MED15: variants seen among roughly 807,000 people sequenced by gnomAD.
The protein encoded by MED15 is mediator complex subunit 15, also known as mediator of RNA polymerase II transcription subunit 15.
A neutral mutation model predicts 118.7 loss-of-function variants in MED15; 41 were observed. The ratio of observed to expected loss-of-function variants is 0.35; its 90% CI spans 0.27 to 0.45. The LOEUF (loss-of-function observed/expected upper bound fraction) is 0.45, where lower values mean the gene tolerates loss of function less well. MED15 is among the 20% of genes least tolerant of loss of function. The probability of loss-of-function intolerance (pLI) is 1.00; values close to 1 mark genes in which losing one functional copy is unlikely to be tolerated. For missense variants in MED15, 740 were observed against 1,025.5 expected (o/e 0.72, Z 3.80); for synonymous variants, 436 against 413.9 (o/e 1.05, Z -0.65).
rs2146594446 is a variant in MED15 at position 20,566,586 on chromosome 22, TCAGCAGCCACCGATG to T, written c.821_835del (p.Pro274_Pro278del). 1 of 1,613,442 alleles carries T rather than the reference TCAGCAGCCACCGATG, an allele frequency of 6.2e-7. No individual in the cohort carries two copies. The highest frequency in any genetic ancestry group is 8.5e-7 in the Non-Finnish European group (1 of 1,179,794). On this transcript the variant is annotated inframe_deletion, in exon 7 of 18. Coordinates refer to ENST00000263205, the MANE Select transcript of MED15 (RefSeq NM_001003891.3). ...AGGCTTTGCAGGCCCAGCCACCAAT[TCAGCAGCCACCGATG>T]CAGCAGCCACAGCCTCCGCCCTCCC...
chr22:20,558,364 AG>A (rs1231399176), intron 5 of MED15, among the ~76,000 whole-genome samples: 4 of 151,932 alleles, frequency 2.6e-5, no homozygotes, highest in Non-Finnish European at 2.9e-5. Flanking sequence ...GGACTCTCAA[AG>A]GGTAGGCCAG....
At chr22:20,514,095 G>A (rs1361620146) in intron 1 of MED15, among the ~76,000 whole-genome samples, 1 of 151,950 alleles carries the variant, frequency 6.6e-6, no homozygotes, top group Non-Finnish European at 1.5e-5. Flanking sequence ...TGATCTCCTG[G>A]GCTCAAGTGA....
intron 8 of MED15, among the ~76,000 whole-genome samples, chr22:20,569,649 G>A (rs1280858034): frequency 6.6e-6 from 1 of 152,184 alleles, no homozygotes; most frequent in Admixed American, 6.5e-5. Flanking sequence ...GAGGGAATCT[G>A]AGGTATTTGG....
intron 8 of MED15, among the ~76,000 whole-genome samples, chr22:20,569,646 T>C (rs887935427): frequency 2.6e-5 from 4 of 152,038 alleles, no homozygotes; most frequent in Admixed American, 2.6e-4. Context: ...GAGGAGGGAA[T>C]CTGAGGTATT....
chr22:20,560,040 G>A (rs1413893851), intron 5 of MED15, among the ~76,000 whole-genome samples: 1 of 152,118 alleles, frequency 6.6e-6, no homozygotes, highest in Non-Finnish European at 1.5e-5. Flanking sequence ...ACTACTGTGG[G>A]GGTGCTGCTG....
At position 20,513,966 on chromosome 22, in the gene MED15, C is replaced by T. The variant is rs140184328; in HGVS notation, c.68+6220C>T. ...GCAACCTCTGGCTCCCAGGCTTAAG[C>T]GATCCTCCCACCTCAGCATTCCCAA... On this transcript the variant is annotated intron_variant, in intron 1 of 17. Coordinates refer to ENST00000263205, the MANE Select transcript of MED15 (RefSeq NM_001003891.3). 1.3e-3 allele frequency among the ~76,000 whole-genome samples: 200 copies of T among 152,276 alleles called. 1 individual carries two copies. The highest frequency in any genetic ancestry group is 4.6e-3 in the African/African-American group (191 of 41,532).
intron 14 of MED15, chr22:20,584,639 C>A: frequency 1.2e-6 from 1 of 818,570 alleles, no homozygotes; most frequent in Non-Finnish European, 1.9e-6. Flanking sequence ...GTGCCTCCTT[C>A]ACCCATTTCA....
intron 1 of MED15, among the ~76,000 whole-genome samples, chr22:20,510,101 C>T (rs1165043725): frequency 6.6e-6 from 1 of 152,078 alleles, no homozygotes; most frequent in Non-Finnish European, 1.5e-5. Flanking sequence ...AACAACACAC[C>T]TTTAGCCAGG....
chr22:20,517,981 A>G (rs958586157), intron 1 of MED15, among the ~76,000 whole-genome samples: 41 of 144,518 alleles, frequency 2.8e-4, no homozygotes, highest in African/African-American at 9.9e-4. Context: ...TTGCCGCATC[A>G]TTGTCTCAGG....
At chr22:20,568,098 C>T (rs2056508643) in intron 7 of MED15, among the ~76,000 whole-genome samples, 1 of 152,220 alleles carries the variant, frequency 6.6e-6, no homozygotes, top group Admixed American at 6.5e-5. Flanking sequence ...GCCTTGGCCT[C>T]CCAGAATGCT....
Position 20,535,778 on chromosome 22 carries a change from C to T in MED15, c.69-1339C>T, listed in dbSNP as rs959438384. ...GTTTCACTGTGTTAGCCAGGATGGT[C>T]GTGCTCGCCTGACCTCGTGATCTGC... On this transcript the variant is annotated intron_variant, in intron 1 of 17. Transcript: ENST00000263205. Among the ~76,000 whole-genome samples the T allele has an allele frequency of 1.9e-4, 28 of 151,274 alleles. 1 individual carries two copies. The highest frequency in any genetic ancestry group is 7.8e-4 in the East Asian group (4 of 5,126).
At chr22:20,511,987 G>GCTTTTTTTTT (rs2054083418) in intron 1 of MED15, among the ~76,000 whole-genome samples, 1 of 77,816 alleles carries the variant, frequency 1.3e-5, no homozygotes, top group Non-Finnish European at 2.3e-5. Flanking sequence ...AACATTCTAA[G>GCTTTTTTTTT]CTTTTTTTTT....
At chr22:20,508,385 T>A (rs2053947116) in intron 1 of MED15, 1 of 1,304,184 alleles carries the variant, frequency 7.7e-7, no homozygotes. Context: ...CGACTGCTTG[T>A]TTCTGTTAGC....
chr22:20,545,508 T>C (rs1468114232), intron 2 of MED15, among the ~76,000 whole-genome samples: 1 of 150,914 alleles, frequency 6.6e-6, no homozygotes, highest in African/African-American at 2.4e-5. Flanking sequence ...CAAAATGCTT[T>C]AAAATTGATT....
At chr22:20,556,353 G>A (rs1281138992) in intron 5 of MED15, among the ~76,000 whole-genome samples, 3 of 150,672 alleles carry the variant, frequency 2.0e-5, no homozygotes, top group Non-Finnish European at 4.4e-5. Flanking sequence ...CCAGGCTGGA[G>A]TGCAGTGGTG....
intron 3 of MED15, among the ~76,000 whole-genome samples, chr22:20,552,217 A>T (rs1163244568): frequency 2.0e-5 from 3 of 152,206 alleles, no homozygotes; most frequent in Non-Finnish European, 4.4e-5. Flanking sequence ...CTGCATAACC[A>T]CCAGAGGCAG....
At chr22:20,529,620 A>C (rs1029824535) in intron 1 of MED15, among the ~76,000 whole-genome samples, 1 of 150,982 alleles carries the variant, frequency 6.6e-6, no homozygotes, top group African/African-American at 2.4e-5. Context: ...TATTTTTGAG[A>C]CAGAGTTTCA....
intron 1 of MED15, among the ~76,000 whole-genome samples, chr22:20,518,360 C>T (rs1488394101): frequency 3.3e-5 from 5 of 152,152 alleles, no homozygotes; most frequent in Non-Finnish European, 5.9e-5. Context: ...TTGATACTGT[C>T]CTTCCAAGTT....
chr22:20,580,559 G>A (rs1441599069), intron 9 of MED15, among the ~76,000 whole-genome samples: 1 of 152,168 alleles, frequency 6.6e-6, no homozygotes, highest in East Asian at 1.9e-4. Flanking sequence ...TGCAGGTAGA[G>A]AGTAGCAGCA....
Sources: allele counts gnomAD v4.1 joint callset (sites outside exome capture counted in the v4.1 genomes callset), GRCh38; gene constraint gnomAD v4.1.1; transcripts MANE v1.5; gene names NCBI Gene and HGNC (gene_info 2026-07-23, HGNC 2026-07-21).